Variants in MAP2K4 observed in about 807,000 individuals in gnomAD.
MAP2K4 encodes the protein mitogen-activated protein kinase kinase 4.
In MAP2K4, 4 loss-of-function variants were observed where a neutral mutation model predicts 48.5. The observed-to-expected ratio is 0.08, with a 90% CI of 0.04 to 0.19. The LOEUF (loss-of-function observed/expected upper bound fraction) is 0.19. Ranked by LOEUF, MAP2K4 falls within the 10% of genes least tolerant of loss-of-function variation. The pLI, the probability that MAP2K4 is intolerant of heterozygous loss-of-function variation, is 1.00. For missense variants in MAP2K4, 258 were observed against 493.3 expected, an observed-to-expected ratio of 0.52 and a Z score of 4.52; for synonymous variants, 166 against 173.1, an observed-to-expected ratio of 0.96 and a Z score of 0.32.
chr17:12,129,952 T>C (rs1252923596), intron 9 of MAP2K4, among the ~76,000 whole-genome samples: 3 of 152,370 alleles, frequency 2.0e-5, no homozygotes, highest in Admixed American at 2.0e-4. Context: ...TTAGGCTCTT[T>C]TAAATAAAAT....
At chr17:12,078,477 G>A (rs1439725021) in intron 2 of MAP2K4, among the ~76,000 whole-genome samples, 1 of 152,150 alleles carries the variant, frequency 6.6e-6, no homozygotes, top group Non-Finnish European at 1.5e-5. Flanking sequence ...GTGGGAAATT[G>A]GGTGTCCATC....
intron 9 of MAP2K4, among the ~76,000 whole-genome samples, chr17:12,129,747 C>T (rs1972966757): frequency 6.6e-6 from 1 of 152,198 alleles, no homozygotes; most frequent in South Asian, 2.1e-4. Context: ...AGTAGGGTCA[C>T]ATCCACACGC....
At chr17:12,125,230 C>A (rs1972817923) in intron 7 of MAP2K4, 64 bp from the exon 8 acceptor site, 1 of 1,222,668 alleles carries the variant, frequency 8.2e-7, no homozygotes, top group African/African-American at 1.5e-5. Context: ...CCAGCTGTTG[C>A]TTCCATTTGC....
Position 12,066,635 on chromosome 17 carries a change from T to C in MAP2K4, c.218+11644T>C, listed in dbSNP as rs531371971. Reference sequence around the variant, plus strand: ...ACCTCCACCTCCCAGGTTCAAGTGATTCTTGTGCCTCAGCCTCCCAAGAAG... The same window carrying C: ...ACCTCCACCTCCCAGGTTCAAGTGACTCTTGTGCCTCAGCCTCCCAAGAAG... On this transcript the variant is annotated intron_variant, in intron 2 of 10. Coordinates refer to ENST00000353533, the MANE Select transcript of MAP2K4 (RefSeq NM_003010.4). Among the ~76,000 whole-genome samples the C allele has an allele frequency of 1.7e-4, 26 of 152,304 alleles. No homozygotes were observed. In the South Asian group the frequency reaches 5.2e-3, roughly 30 times the overall value.
rs1490182231 is a variant in MAP2K4, at chr17:12,065,158, C to T, written c.218+10167C>T. On this transcript the variant is annotated intron_variant, in intron 2 of 10. Transcript: ENST00000353533. ...AAAGGTGTCTGCATTTGTCAAAACT[C>T]ATTGAGCCACATATGCTTATGATTT... Among the ~76,000 whole-genome samples the T allele has an allele frequency of 2.6e-5, 4 of 151,888 alleles. No individual in the cohort carries two copies. The East Asian group carries it at 7.7e-4, about 29-fold the overall frequency.
At chr17:12,103,807 G>C (rs1289691651) in intron 4 of MAP2K4, among the ~76,000 whole-genome samples, 2 of 151,890 alleles carry the variant, frequency 1.3e-5, no homozygotes, top group Non-Finnish European at 2.9e-5. Flanking sequence ...ATTCAACATA[G>C]TTTTCAAGAT....
intron 8 of MAP2K4, among the ~76,000 whole-genome samples, chr17:12,125,945 AAG>A (rs1057243184): frequency 6.6e-6 from 1 of 152,158 alleles, no homozygotes; most frequent in Non-Finnish European, 1.5e-5. Context: ...GTAATTTATG[AAG>A]AGAGGTTTAA....
chr17:12,067,546 C>G (rs974717272), intron 2 of MAP2K4, among the ~76,000 whole-genome samples: 2 of 152,156 alleles, frequency 1.3e-5, no homozygotes, highest in Non-Finnish European at 2.9e-5. Flanking sequence ...CAGGTTTACA[C>G]AGATGAACCT....
At chr17:12,097,499 A>T (rs1322272792) in intron 4 of MAP2K4, among the ~76,000 whole-genome samples, 1 of 152,262 alleles carries the variant, frequency 6.6e-6, no homozygotes, top group Non-Finnish European at 1.5e-5. Flanking sequence ...GAAACAAAGC[A>T]CGGAAGCTTG....
chr17:12,064,283 C>T (rs1970547026), intron 2 of MAP2K4, among the ~76,000 whole-genome samples: 1 of 152,104 alleles, frequency 6.6e-6, no homozygotes, highest in African/African-American at 2.4e-5. Flanking sequence ...TGGGATCTTG[C>T]TATGTTGCAC....
At chr17:12,103,540 C>A (rs922544102) in intron 4 of MAP2K4, among the ~76,000 whole-genome samples, 3 of 152,058 alleles carry the variant, frequency 2.0e-5, no homozygotes, top group African/African-American at 7.2e-5. Flanking sequence ...AGAGGAGAAA[C>A]AGCTACCCAA....
At chr17:12,088,541 AT>A (rs5819347) in intron 3 of MAP2K4, among the ~76,000 whole-genome samples, 59,230 of 113,608 alleles carry the variant, frequency 0.52, 14,173 homozygotes, top group East Asian at 0.62. Context: ...TATATATTAA[AT>A]TATATCTAAT....
chr17:12,068,966 C>G (rs1046423430), intron 2 of MAP2K4, among the ~76,000 whole-genome samples: 2 of 152,026 alleles, frequency 1.3e-5, no homozygotes, highest in African/African-American at 4.8e-5. Flanking sequence ...AAAATTGTGT[C>G]CAGGGCTGAG....
chr17:12,026,861 A>G (rs921484502), intron 1 of MAP2K4: 4 of 152,208 alleles, frequency 2.6e-5, no homozygotes, highest in East Asian at 3.9e-4. Context: ...ACAATGTTCT[A>G]AACTTGCTGG....
intron 3 of MAP2K4, among the ~76,000 whole-genome samples, chr17:12,092,588 A>G (rs1237323332): frequency 6.6e-6 from 1 of 152,192 alleles, no homozygotes; most frequent in Non-Finnish European, 1.5e-5. Context: ...TTGAGTTATT[A>G]AAATCACTAA....
chr17:12,130,923 C>A (rs1217045852), intron 9 of MAP2K4, among the ~76,000 whole-genome samples: 1 of 152,028 alleles, frequency 6.6e-6, no homozygotes, highest in Non-Finnish European at 1.5e-5. Flanking sequence ...TATATCTGAT[C>A]ATGTTACTTC....
intron 2 of MAP2K4, chr17:12,069,971 A>G (rs896822851): frequency 1.6e-5 from 2 of 126,864 alleles, no homozygotes; most frequent in Non-Finnish European, 2.9e-5. Context: ...AGGAGACAGT[A>G]AAACAGCTTG....
chr17:12,053,708 G>A (rs1242211214), intron 1 of MAP2K4, among the ~76,000 whole-genome samples: 2 of 151,880 alleles, frequency 1.3e-5, no homozygotes, highest in Non-Finnish European at 2.9e-5. Context: ...CACATGATCT[G>A]GTAGAAAGGA....
intron 2 of MAP2K4, among the ~76,000 whole-genome samples, chr17:12,078,300 T>C (rs751362365): frequency 2.0e-5 from 3 of 152,150 alleles, no homozygotes; most frequent in Non-Finnish European, 4.4e-5. Flanking sequence ...GTAGTGTTCA[T>C]TGGAGGCAGG....
Sources: allele counts gnomAD v4.1 joint callset (sites outside exome capture counted in the v4.1 genomes callset), GRCh38; gene constraint gnomAD v4.1.1; transcripts MANE v1.5; gene names NCBI Gene and HGNC (gene_info 2026-07-23, HGNC 2026-07-21).